Variants in ANO3 observed in about 807,000 individuals in gnomAD.
The protein encoded by ANO3 is anoctamin 3.
ANO3 carries 99 observed loss-of-function variants against 144.8 expected under a neutral mutation model. The observed-to-expected ratio is 0.68, with a 90% CI of 0.58 to 0.81. The LOEUF is 0.81. Ranked by LOEUF, ANO3 falls within the 30% of genes least tolerant of loss-of-function variation. ANO3 has a pLI of 0.00. For missense variants in ANO3, 905 were observed against 1,202.2 expected, an observed-to-expected ratio of 0.75 and a Z score of 3.66; for synonymous variants, 414 against 392.6, an observed-to-expected ratio of 1.05 and a Z score of -0.64.
chr11:26,454,525 A>T (rs1472196340), intron 3 of ANO3, among the ~76,000 whole-genome samples: 1 of 152,224 alleles, frequency 6.6e-6, no homozygotes, highest in East Asian at 1.9e-4. Flanking sequence ...AGACTAAACA[A>T]GGAAGAAGTT....
intron 26 of ANO3, among the ~76,000 whole-genome samples, chr11:26,659,252 T>C (rs1210357448): frequency 2.0e-5 from 3 of 152,160 alleles, no homozygotes; most frequent in African/African-American, 7.2e-5. Flanking sequence ...AGAATATAGG[T>C]GATTTGCCTG....
intron 1 of ANO3, among the ~76,000 whole-genome samples, chr11:26,223,601 A>AT (rs1447727708): frequency 6.9e-6 from 1 of 144,096 alleles, no homozygotes; most frequent in African/African-American, 2.6e-5. Context: ...TAGCTTTTTA[A>AT]TAAAAAAAAA....
chr11:26,589,927 C>T (rs1394696258), intron 14 of ANO3, among the ~76,000 whole-genome samples: 1 of 152,144 alleles, frequency 6.6e-6, no homozygotes, highest in African/African-American at 2.4e-5. Context: ...TTCTACTGAT[C>T]TGATTTTCCC....
At chr11:26,529,805 T>C (rs903126715) in intron 7 of ANO3, among the ~76,000 whole-genome samples, 1 of 152,090 alleles carries the variant, frequency 6.6e-6, no homozygotes, top group Non-Finnish European at 1.5e-5. Flanking sequence ...GTTTCTATTT[T>C]CTTTGTAAAA....
chr11:26,369,819 T>C (rs1200203389), intron 1 of ANO3, among the ~76,000 whole-genome samples: 1 of 152,206 alleles, frequency 6.6e-6, no homozygotes, highest in Non-Finnish European at 1.5e-5. Flanking sequence ...CCCAGTTTGG[T>C]GTAACACTGA....
chr11:26,596,447 A>G (rs1590608846), intron 14 of ANO3, among the ~76,000 whole-genome samples: 3 of 152,164 alleles, frequency 2.0e-5, no homozygotes, highest in Admixed American at 6.5e-5. Flanking sequence ...GTACTGGGTT[A>G]TCAATTCTAA....
chr11:26,566,119 C>T (rs1259800042), intron 14 of ANO3, among the ~76,000 whole-genome samples: 1 of 151,774 alleles, frequency 6.6e-6, no homozygotes, highest in Non-Finnish European at 1.5e-5. Flanking sequence ...AGGGAAATGC[C>T]ATGCAAAAAC....
At chr11:26,534,950 G>T (rs567526631) in intron 9 of ANO3, among the ~76,000 whole-genome samples, 3 of 151,810 alleles carry the variant, frequency 2.0e-5, no homozygotes, top group South Asian at 2.1e-4. Context: ...AATAAGTTAG[G>T]CTGTGTCCAT....
At chr11:26,598,482 G>A in intron 15 of ANO3, 35 bp downstream of exon 15, 1 of 1,430,646 alleles carries the variant, frequency 7.0e-7, no homozygotes, top group Non-Finnish European at 9.6e-7. Flanking sequence ...TAGGGAAACT[G>A]GGCTATTACA....
At chr11:26,206,381 C>A (rs1381511490) in intron 1 of ANO3, among the ~76,000 whole-genome samples, 3 of 152,042 alleles carry the variant, frequency 2.0e-5, no homozygotes, top group African/African-American at 4.8e-5. Context: ...AATAAACTTG[C>A]TATGTGTTTC....
At chr11:26,452,451 G>A (rs368899346) in intron 3 of ANO3, among the ~76,000 whole-genome samples, 63 of 152,206 alleles carry the variant, frequency 4.1e-4, no homozygotes, top group Admixed American at 2.2e-3. Flanking sequence ...CTCAGGAGCC[G>A]ATGCGATCAA....
chr11:26,368,331 C>T (rs939257236), intron 1 of ANO3, among the ~76,000 whole-genome samples: 1 of 151,966 alleles, frequency 6.6e-6, no homozygotes, highest in Non-Finnish European at 1.5e-5. Context: ...CTGTAGATTT[C>T]GTATAGTAAT....
At chr11:26,658,886 C>T (rs904355449) in intron 26 of ANO3, among the ~76,000 whole-genome samples, 1 of 152,084 alleles carries the variant, frequency 6.6e-6, no homozygotes, top group South Asian at 2.1e-4. Context: ...TCTTCATAGA[C>T]TATTATCTAC....
chr11:26,202,909 C>T (rs764604707), intron 1 of ANO3, among the ~76,000 whole-genome samples: 33 of 152,038 alleles, frequency 2.2e-4, no homozygotes, highest in Non-Finnish European at 4.0e-4. Flanking sequence ...ATTTACCAAG[C>T]GTAACACCTG....
chr11:26,192,017 A>C (rs1851488236), intron 1 of ANO3, among the ~76,000 whole-genome samples: 1 of 152,188 alleles, frequency 6.6e-6, no homozygotes, highest in Admixed American at 6.5e-5. Flanking sequence ...ATAACCAAAT[A>C]ACACATCATA....
intron 1 of ANO3, among the ~76,000 whole-genome samples, chr11:26,410,335 T>A (rs1004458940): frequency 3.8e-4 from 58 of 151,994 alleles, no homozygotes; most frequent in African/African-American, 1.4e-3. Flanking sequence ...TGCATGCCTG[T>A]ATTTGAAGAG....
intron 4 of ANO3, among the ~76,000 whole-genome samples, chr11:26,471,216 T>C (rs1373724159): frequency 6.6e-6 from 1 of 151,912 alleles, no homozygotes; most frequent in Non-Finnish European, 1.5e-5. Flanking sequence ...TCTTTAACTG[T>C]AGACTCGGCT....
chr11:26,555,107 G>A (rs1377394080), intron 13 of ANO3, among the ~76,000 whole-genome samples: 1 of 152,144 alleles, frequency 6.6e-6, no homozygotes, highest in Non-Finnish European at 1.5e-5. Context: ...CATGTGAAAA[G>A]TCTGTTTCGT....
rs374806519 is a variant in ANO3 at position 26,407,076 on chromosome 11, G to GTA, written c.47-34826_47-34825dup. On this transcript the variant is annotated intron_variant, in intron 1 of 26. Coordinates refer to ENST00000256737, the MANE Select transcript of ANO3 (RefSeq NM_031418.4). ...TGTGTGTGTGTGTGTGTGTGTGTGT[G>GTA]TATATATATATATATATGTATATAT... 6.1e-3 allele frequency among the ~76,000 whole-genome samples: 614 copies of GTA among 101,482 alleles called. 5 individuals carry two copies. The highest frequency in any genetic ancestry group is 0.015 in the African/African-American group (477 of 31,490). 66.6% of individuals were successfully genotyped at this position (101,482 alleles called of 152,430 possible). A position where few individuals can be genotyped will look rare whatever the true frequency, so the allele number is the denominator to read the frequency against.
Sources: gnomAD v4.1 joint callset for allele counts (sites outside exome capture counted in the v4.1 genomes callset) on GRCh38, gnomAD v4.1.1 for gene constraint, MANE v1.5 for transcripts, NCBI Gene and HGNC (gene_info 2026-07-23, HGNC 2026-07-21) for gene names.